The following CPSF4 variants were observed in gnomAD, a reference collection of about 807,000 sequenced individuals.
CPSF4 encodes cleavage and polyadenylation specific factor 4, also known as cleavage and polyadenylation specificity factor subunit 4.
A neutral mutation model predicts 37.7 loss-of-function variants in CPSF4; 11 were observed. The observed-to-expected ratio is 0.29, with a 90% CI of 0.18 to 0.48. The LOEUF (loss-of-function observed/expected upper bound fraction) is 0.48. Among genes scored for constraint, CPSF4 ranks in the 20% least tolerant of loss-of-function variants. The pLI is 0.99. For synonymous variants in CPSF4, 132 were observed against 135.9 expected (o/e 0.97, Z 0.20); for missense variants, 144 against 359.5 (o/e 0.40, Z 4.85).
chr7:99,455,410 C>T (rs1798240486), intron 7 of CPSF4, among the ~76,000 whole-genome samples: 1 of 152,186 alleles, frequency 6.6e-6, no homozygotes. Flanking sequence ...AAGTTGAAAA[C>T]ACAGGGACAG....
intron 1 of CPSF4, among the ~76,000 whole-genome samples, chr7:99,442,673 A>AC (rs1797118629): frequency 6.6e-6 from 1 of 151,134 alleles, no homozygotes; most frequent in Non-Finnish European, 1.5e-5. Flanking sequence ...AAAAAAAAAA[A>AC]AACAAAAAAC....
chr7:99,454,746 C>A (rs571922124), intron 7 of CPSF4, among the ~76,000 whole-genome samples: 12 of 152,192 alleles, frequency 7.9e-5, no homozygotes, highest in Non-Finnish European at 1.8e-4. Flanking sequence ...AAGTTACAAA[C>A]TAAGTTTTCT....
At chr7:99,451,976 G>C (rs1345634959) in intron 5 of CPSF4, among the ~76,000 whole-genome samples, 1 of 152,250 alleles carries the variant, frequency 6.6e-6, no homozygotes, top group African/African-American at 2.4e-5. Flanking sequence ...GTCACCAAGT[G>C]ATGGGAGGAG....
intron 1 of CPSF4, 148 bp from the exon 2 acceptor site, chr7:99,444,641 G>T (rs2150988185): frequency 1.5e-6 from 1 of 651,764 alleles, no homozygotes; most frequent in East Asian, 2.8e-5. Flanking sequence ...TTGCTTGGTT[G>T]GGCTTTGCAA....
intron 5 of CPSF4, among the ~76,000 whole-genome samples, chr7:99,451,937 G>C (rs1197575418): frequency 6.6e-6 from 1 of 152,238 alleles, no homozygotes; most frequent in Non-Finnish European, 1.5e-5. Context: ...TGAGAGTGCA[G>C]GCACCTGCAG....
rs1798341828 is a variant in CPSF4 at position 99,456,707 on chromosome 7, T to C, written c.*207T>C. On this transcript the variant is annotated 3_prime_UTR_variant, in exon 8 of 8. Coordinates refer to ENST00000292476, the MANE Select transcript of CPSF4 (RefSeq NM_006693.4). ...AAGGGACATGTGTCCTGTGGGTCCC[T>C]GCAGTCGACATCATGTTTGGCTGGG... 1.6e-6 allele frequency: 1 copy of C among 639,334 alleles called. No homozygotes were observed. The highest frequency in any genetic ancestry group is 2.2e-5 in the Admixed American group (1 of 46,092). 39.6% of individuals were successfully genotyped at this position (639,334 alleles called of 1,614,324 possible).
chr7:99,440,851 C>T (rs114793518), intron 1 of CPSF4, among the ~76,000 whole-genome samples: 116 of 150,572 alleles, frequency 7.7e-4, no homozygotes, highest in African/African-American at 2.5e-3. Context: ...ACTGTACACT[C>T]CCTAAAAAGC....
intron 2 of CPSF4, among the ~76,000 whole-genome samples, chr7:99,445,448 C>T (rs1226164993): frequency 6.6e-6 from 1 of 152,054 alleles, no homozygotes; most frequent in Non-Finnish European, 1.5e-5. Flanking sequence ...TTGCTCGTCT[C>T]CAAACCACGA....
intron 5 of CPSF4, chr7:99,451,065 T>C (rs1338400066): frequency 1.6e-5 from 6 of 380,438 alleles, no homozygotes; most frequent in Non-Finnish European, 2.9e-5. Context: ...CAGACAAACA[T>C]GTAGCCTTGC....
In CPSF4 at chr7:99,440,674, A is replaced by ATATGTTTTTTTTTT; in HGVS notation, c.103+1490_103+1491insATGTTTTTTTTTTT. On this transcript the variant is annotated intron_variant, in intron 1 of 7. Coordinates refer to ENST00000292476, the MANE Select transcript of CPSF4 (RefSeq NM_006693.4). Reference sequence around the variant, plus strand: ...ACCTGGCATATATATATATATATATATTTTTTTTTTTTTTTTTTTCCTGCC... The same window carrying ATATGTTTTTTTTTT: ...ACCTGGCATATATATATATATATATATATGTTTTTTTTTTTTTTTTTTTTTTTTTTTTTCCTGCC... 3.4e-4 allele frequency among the ~76,000 whole-genome samples: 30 copies of ATATGTTTTTTTTTT among 88,082 alleles called. 2 individuals are homozygous for ATATGTTTTTTTTTT. Among genetic ancestry groups the ATATGTTTTTTTTTT allele is most frequent in the Non-Finnish European group, 4.6e-4 (25 of 54,760 alleles). The allele number at this position is 88,082 out of a possible 152,430, so 57.8% of individuals were successfully genotyped here.
intron 2 of CPSF4, among the ~76,000 whole-genome samples, chr7:99,445,462 A>G (rs1397817732): frequency 3.3e-5 from 5 of 152,112 alleles, no homozygotes; most frequent in Middle Eastern, 3.2e-3. Flanking sequence ...ACCACGAGCA[A>G]GACATTCATT....
chr7:99,449,034 C>T (rs1797754534), intron 3 of CPSF4: 1 of 152,382 alleles, frequency 6.6e-6, no homozygotes. Flanking sequence ...AAGGAGTCCC[C>T]AGGGTCCCCG....
intron 1 of CPSF4, 72 bp from the exon 2 acceptor site, chr7:99,444,717 C>A: frequency 6.9e-7 from 1 of 1,441,000 alleles, no homozygotes. Context: ...GGGTTCCCTC[C>A]CACTGTCTTC....
At chr7:99,439,645 AG>A (rs1257706816) in intron 1 of CPSF4, 1 of 154,708 alleles carries the variant, frequency 6.5e-6, no homozygotes, top group African/African-American at 2.4e-5. Context: ...TTCTTGAATA[AG>A]GGTGGGTTAT....
rs1417147707 is a variant in CPSF4 at position 99,456,590 on chromosome 7, G to A, written c.*90G>A. On this transcript the variant is annotated 3_prime_UTR_variant, in exon 8 of 8. Transcript: ENST00000292476. The stretch of plus-strand genomic sequence containing the variant: ...TTCATGCGCTTGTTGGCGCGACTGT[G>A]GCTCGAGCTGGCCCGCAGACACGTG... The A allele has an allele frequency of 9.4e-7, 1 of 1,064,486 alleles. No homozygotes were observed. Among genetic ancestry groups the A allele is most frequent in the African/African-American group, 1.5e-5 (1 of 64,524 alleles). 65.9% of individuals were successfully genotyped at this position (1,064,486 alleles called of 1,614,324 possible).
chr7:99,456,393 G>C, intron 7 of CPSF4, 39 bp from the exon 8 acceptor site: 1 of 1,593,966 alleles, frequency 6.3e-7, no homozygotes, highest in Non-Finnish European at 8.6e-7. Flanking sequence ...CAGTGTTGTT[G>C]TCTGTCTCTC....
At chr7:99,444,740 T>G (rs1301368922) in intron 1 of CPSF4, 49 bp from the exon 2 acceptor site, 1 of 1,562,892 alleles carries the variant, frequency 6.4e-7, no homozygotes, top group Non-Finnish European at 8.8e-7. Context: ...ACATTGTCAA[T>G]AGCAAATTGC....
intron 1 of CPSF4, chr7:99,443,187 T>C (rs575417605): frequency 1.3e-6 from 1 of 782,932 alleles, no homozygotes; most frequent in South Asian, 1.3e-5. Context: ...TACACTGAAT[T>C]GTTCGGCCCT....
intron 5 of CPSF4, among the ~76,000 whole-genome samples, chr7:99,452,048 C>T (rs1261805754): frequency 6.6e-6 from 1 of 152,174 alleles, no homozygotes; most frequent in Non-Finnish European, 1.5e-5. Flanking sequence ...GCTCCTGTGG[C>T]GCAGCAGGCA....
Sources: allele counts gnomAD v4.1 joint callset (sites outside exome capture counted in the v4.1 genomes callset), GRCh38; gene constraint gnomAD v4.1.1; transcripts MANE v1.5; gene names NCBI Gene and HGNC (gene_info 2026-07-23, HGNC 2026-07-21).